PPP1R16A: variants seen among roughly 807,000 people sequenced by gnomAD.
PPP1R16A encodes protein phosphatase 1 regulatory subunit 16A, also known as myosin phosphatase-targeting subunit 3.
A neutral mutation model predicts 46.6 loss-of-function variants in PPP1R16A; 39 were observed. The observed-to-expected ratio is 0.84, with a 90% CI of 0.65 to 1.09. The LOEUF is 1.09. PPP1R16A is among the 50% of genes least tolerant of loss of function. The pLI, the probability that PPP1R16A is intolerant of heterozygous loss-of-function variation, is 0.00. For synonymous variants in PPP1R16A, 413 were observed against 321.5 expected, an observed-to-expected ratio of 1.28 and a Z score of -3.04; for missense variants, 798 against 735.6, an observed-to-expected ratio of 1.08 and a Z score of -0.98.
At chr8:144,500,232 C>T (rs1299858188) in intron 6 of PPP1R16A, 33 bp downstream of exon 6, 2 of 1,580,984 alleles carry the variant, frequency 1.3e-6, no homozygotes, top group Admixed American at 1.8e-5. Context: ...GGGAGGGCTG[C>T]CGGTCGCGCT....
intron 2 of PPP1R16A, among the ~76,000 whole-genome samples, chr8:144,491,685 C>CTCG (rs759763748): frequency 1.4e-4 from 22 of 151,838 alleles, no homozygotes; most frequent in Non-Finnish European, 2.9e-4. Context: ...ATGGCATGAA[C>CTCG]CTGGGAGGCG....
intron 5 of PPP1R16A, chr8:144,499,748 C>T: frequency 7.0e-6 from 2 of 285,394 alleles, no homozygotes; most frequent in East Asian, 8.1e-5. Context: ...CACAGCTCAG[C>T]AGCCCCTCAG....
intron 7 of PPP1R16A, 31 bp downstream of exon 7, chr8:144,500,422 G>A (rs749313882): frequency 1.6e-5 from 24 of 1,520,992 alleles, no homozygotes; most frequent in Middle Eastern, 2.2e-4. Flanking sequence ...GGCACACGGG[G>A]CTGGGGGCCT....
rs537502370 is a variant in PPP1R16A, at chr8:144,480,686, G to A, written c.-914+2559G>A. Among the ~76,000 whole-genome samples the A allele has an allele frequency of 3.0e-4, 46 of 151,904 alleles. 1 individual carries two copies. In the South Asian group the frequency reaches 7.7e-3, roughly 25 times the overall value. On this transcript the variant is annotated intron_variant, in intron 1 of 11. Coordinates refer to ENST00000435887, the MANE Select transcript of PPP1R16A (RefSeq NM_001329443.2). Reference sequence around the variant, plus strand: ...CTTTTAGTAGAGATGGGATTTCACCGTGTTGGCCAGAATGGTCTCGAACTC... The same window carrying A: ...CTTTTAGTAGAGATGGGATTTCACCATGTTGGCCAGAATGGTCTCGAACTC...
chr8:144,478,125 G>A lies in PPP1R16A; in HGVS notation c.-916G>A, dbSNP rs11777703. 0.48 allele frequency: 188,566 copies of A among 394,800 alleles called. 46,148 individuals carry two copies. The highest frequency in any genetic ancestry group is 0.57 in the Middle Eastern group (893 of 1,572). 24.5% of individuals were successfully genotyped at this position (394,800 alleles called of 1,614,324 possible). A position where few individuals can be genotyped will look rare whatever the true frequency, so the allele number is the denominator to read the frequency against. On this transcript the variant is annotated splice_region_variant and 5_prime_UTR_variant, in exon 1 of 12. Coordinates refer to ENST00000435887, the MANE Select transcript of PPP1R16A (RefSeq NM_001329443.2). Reference sequence around the variant, plus strand: ...TTGTGCGGCGGTCGGCGCGGGGCGCGAGGTGAGGCGCGGACTCCCGGGTCC... The same window carrying A: ...TTGTGCGGCGGTCGGCGCGGGGCGCAAGGTGAGGCGCGGACTCCCGGGTCC...
chr8:144,491,968 C>T (rs1360384036), intron 2 of PPP1R16A, among the ~76,000 whole-genome samples: 2 of 152,176 alleles, frequency 1.3e-5, no homozygotes, highest in African/African-American at 4.8e-5. Flanking sequence ...ACAAAACAAC[C>T]AAGTCTTTTA....
At chr8:144,498,673 T>C (rs893456564) in intron 3 of PPP1R16A, 97 bp from the exon 4 acceptor site, 4 of 1,253,816 alleles carry the variant, frequency 3.2e-6, no homozygotes, top group African/African-American at 3.0e-5. Flanking sequence ...TCGGCACCAC[T>C]GTCTTCCTTG....
chr8:144,481,503 G>C (rs1825423943), intron 1 of PPP1R16A, among the ~76,000 whole-genome samples: 1 of 151,758 alleles, frequency 6.6e-6, no homozygotes. Context: ...AGTTAGCCAG[G>C]CATGGTGGCG....
At chr8:144,491,941 A>G (rs1261559015) in intron 2 of PPP1R16A, among the ~76,000 whole-genome samples, 1 of 152,218 alleles carries the variant, frequency 6.6e-6, no homozygotes, top group Non-Finnish European at 1.5e-5. Context: ...CTTAAAAAAC[A>G]TAATAAAAAA....
At chr8:144,480,247 G>A (rs1256515145) in intron 1 of PPP1R16A, among the ~76,000 whole-genome samples, 2 of 152,224 alleles carry the variant, frequency 1.3e-5, no homozygotes, top group Admixed American at 1.3e-4. Context: ...CTAGACCAGG[G>A]GTTGGCCAGC....
At chr8:144,487,250 G>C (rs1475993338) in intron 1 of PPP1R16A, among the ~76,000 whole-genome samples, 1 of 152,070 alleles carries the variant, frequency 6.6e-6, no homozygotes, top group Non-Finnish European at 1.5e-5. Flanking sequence ...GAAGTGCTGG[G>C]ATTACAGGCG....
chr8:144,498,079 C>T (rs1177497278), intron 3 of PPP1R16A: 1 of 456,238 alleles, frequency 2.2e-6, no homozygotes, highest in African/African-American at 2.0e-5. Flanking sequence ...TCCTTCCTGC[C>T]TCCCTCCGGA....
At chr8:144,481,665 A>G (rs1284575501) in intron 1 of PPP1R16A, among the ~76,000 whole-genome samples, 2 of 152,212 alleles carry the variant, frequency 1.3e-5, no homozygotes, top group African/African-American at 2.4e-5. Context: ...ATAATTTCAC[A>G]TCAATGGAAT....
At chr8:144,479,166 G>C (rs138258051) in intron 1 of PPP1R16A, 1 of 152,254 alleles carries the variant, frequency 6.6e-6, no homozygotes, top group African/African-American at 2.4e-5. Context: ...CTCTGGTTGC[G>C]CTGCCTGATT....
intron 1 of PPP1R16A, among the ~76,000 whole-genome samples, chr8:144,486,890 G>C (rs1194092105): frequency 6.6e-6 from 1 of 152,144 alleles, no homozygotes; most frequent in Non-Finnish European, 1.5e-5. Flanking sequence ...TTTATAGACT[G>C]TGCTTTTGCT....
intron 5 of PPP1R16A, chr8:144,499,366 A>G: frequency 2.4e-6 from 1 of 410,792 alleles, no homozygotes; most frequent in Non-Finnish European, 4.4e-6. Flanking sequence ...AGAACTGCTA[A>G]GGAGGGAAGC....
chr8:144,494,346 CTCTG>C (rs1825950864), intron 2 of PPP1R16A, among the ~76,000 whole-genome samples: 1 of 151,966 alleles, frequency 6.6e-6, no homozygotes, highest in Non-Finnish European at 1.5e-5. Flanking sequence ...CAGGATCGCC[CTCTG>C]TCTGCCAGGC....
intron 1 of PPP1R16A, among the ~76,000 whole-genome samples, chr8:144,486,209 T>C (rs570620495): frequency 6.6e-6 from 1 of 152,020 alleles, no homozygotes; most frequent in East Asian, 1.9e-4. Context: ...AGTGGTGTGA[T>C]CTCGCGCCAC....
chr8:144,483,625 C>T (rs1259225612), intron 1 of PPP1R16A, among the ~76,000 whole-genome samples: 6 of 151,566 alleles, frequency 4.0e-5, no homozygotes, highest in Non-Finnish European at 7.4e-5. Context: ...AGGCTGGTCT[C>T]GAACTCTTGA....
Sources: allele counts gnomAD v4.1 joint callset (sites outside exome capture counted in the v4.1 genomes callset), GRCh38; gene constraint gnomAD v4.1.1; transcripts MANE v1.5; gene names NCBI Gene and HGNC (gene_info 2026-07-23, HGNC 2026-07-21).